COBLL1: variants seen among roughly 807,000 people sequenced by gnomAD.
COBLL1 encodes cordon-bleu WH2 repeat protein like 1.
Under a neutral mutation model 94.8 loss-of-function variants are expected in COBLL1, and 50 were observed. The observed-to-expected ratio is 0.53, with a 90% CI of 0.42 to 0.67. The LOEUF (loss-of-function observed/expected upper bound fraction) is 0.67, where lower values mean the gene tolerates loss of function less well. Among genes scored for constraint, COBLL1 ranks in the 30% least tolerant of loss-of-function variants. COBLL1 has a pLI of 0.00. For missense variants in COBLL1, 1,362 were observed against 1,348.7 expected (o/e 1.01, Z -0.15); for synonymous variants, 448 against 473.8 (o/e 0.95, Z 0.71).
chr2:164,800,348 A>C (rs1683704531), intron 2 of COBLL1, among the ~76,000 whole-genome samples: 1 of 152,202 alleles, frequency 6.6e-6, no homozygotes, highest in Admixed American at 6.5e-5. Context: ...CCTTTATGAA[A>C]ATGTAGATTA....
At chr2:164,699,649 G>T in intron 10 of COBLL1, 150 bp from the exon 11 acceptor site, 1 of 497,166 alleles carries the variant, frequency 2.0e-6, no homozygotes, top group East Asian at 3.0e-5. Context: ...GCCAAACATC[G>T]GAAATTTAAT....
chr2:164,675,609 G>C (rs934241508), downstream of COBLL1, among the ~76,000 whole-genome samples: 2 of 152,072 alleles, frequency 1.3e-5, no homozygotes, highest in Non-Finnish European at 2.9e-5. Flanking sequence ...AATGAGGACG[G>C]GACAAAAAGT....
At chr2:164,775,754 C>T (rs1688434018) in intron 2 of COBLL1, among the ~76,000 whole-genome samples, 1 of 152,044 alleles carries the variant, frequency 6.6e-6, no homozygotes, top group African/African-American at 2.4e-5. Flanking sequence ...GCACCTGGCC[C>T]TTGGTGGTAG....
chr2:164,749,134 T>C (rs1434177807), intron 2 of COBLL1, among the ~76,000 whole-genome samples: 1 of 152,120 alleles, frequency 6.6e-6, no homozygotes, highest in East Asian at 1.9e-4. Flanking sequence ...CAGCAAAACA[T>C]AATTCTAGTC....
chr2:164,696,983 C>T (rs998833603), intron 11 of COBLL1: 9 of 151,864 alleles, frequency 5.9e-5, no homozygotes, highest in African/African-American at 2.2e-4. Flanking sequence ...TTATCATTAC[C>T]CACTATTACC....
chr2:164,776,952 G>A (rs1369309829), intron 2 of COBLL1, among the ~76,000 whole-genome samples: 2 of 152,078 alleles, frequency 1.3e-5, no homozygotes, highest in African/African-American at 4.8e-5. Flanking sequence ...CAGAAAAGTA[G>A]TAAAGTAACT....
At chr2:164,667,404 C>A (rs530111654) in intron 1 of COBLL1, among the ~76,000 whole-genome samples, 2 of 152,340 alleles carry the variant, frequency 1.3e-5, no homozygotes, top group South Asian at 4.1e-4. Context: ...ACAAGAGAGT[C>A]AGCCTGTTCA....
chr2:164,743,980 T>C, intron 2 of COBLL1, 105 bp from the exon 3 acceptor site: 4 of 800,750 alleles, frequency 5.0e-6, no homozygotes, highest in Non-Finnish European at 7.4e-6. Context: ...GTTTTTCACA[T>C]CTAGAAAAAA....
At chr2:164,805,325 C>CTATATATATA (rs1185358869) in intron 2 of COBLL1, among the ~76,000 whole-genome samples, 9 of 31,516 alleles carry the variant, frequency 2.9e-4, no homozygotes, top group African/African-American at 5.0e-4. Flanking sequence ...CTCTCTCTCT[C>CTATATATATA]TCTCTCTCTC....
chr2:164,805,313 C>G (rs1386573905), intron 2 of COBLL1, among the ~76,000 whole-genome samples: 400 of 35,434 alleles, frequency 0.011, 43 homozygotes, highest in Non-Finnish European at 0.014. Context: ...CTCTCTCTCT[C>G]TCTCTCTCTC....
intron 2 of COBLL1, among the ~76,000 whole-genome samples, chr2:164,805,347 A>ATATATG (rs1684080674): frequency 9.2e-6 from 1 of 109,226 alleles, no homozygotes; most frequent in East Asian, 2.3e-4. Flanking sequence ...CTATATATAT[A>ATATATG]TATATATATA....
chr2:164,769,534 C>T (rs561273066), intron 2 of COBLL1, among the ~76,000 whole-genome samples: 137 of 152,190 alleles, frequency 9.0e-4, no homozygotes, highest in African/African-American at 2.7e-3. Context: ...TGTAAAAGGC[C>T]AAATTACAGA....
At chr2:164,797,002 G>A (rs921180141) in intron 2 of COBLL1, among the ~76,000 whole-genome samples, 8 of 152,126 alleles carry the variant, frequency 5.3e-5, no homozygotes, top group African/African-American at 1.9e-4. Context: ...AGAAGAGAAA[G>A]GGATTTAGTG....
In COBLL1 at chr2:164,795,257, T is replaced by A. The variant is rs549298750; in HGVS notation, c.41+45899A>T. Reference sequence around the variant, plus strand: ...CTCACAAGTCTAAAGGGGTATAAACTGAAAATTATTTGACAGAAGAATATT... The same window carrying A: ...CTCACAAGTCTAAAGGGGTATAAACAGAAAATTATTTGACAGAAGAATATT... On this transcript the variant is annotated intron_variant, in intron 2 of 13. Transcript: ENST00000652658. 3.9e-5 allele frequency among the ~76,000 whole-genome samples: 6 copies of A among 152,186 alleles called. No individual in the cohort carries two copies. In the South Asian group the frequency reaches 1.2e-3, roughly 32 times the overall value.
intron 3 of COBLL1, among the ~76,000 whole-genome samples, chr2:164,738,519 G>T (rs1036095792): frequency 6.6e-6 from 1 of 152,178 alleles, no homozygotes; most frequent in African/African-American, 2.4e-5. Context: ...TTATGCTGTT[G>T]TGAAGTATAG....
Position 164,694,828 on chromosome 2 carries a change from G to T in COBLL1, c.2564C>A (p.Ser855Tyr), listed in dbSNP as rs758922347. ...INNILESKFKSRASNAQAKPS... is the reference protein window; with the variant it reads ...INNILESKFKYRASNAQAKPS... ...TTTGGCCTGGGCATTTGAAGCCCGA[G>T]ATTTAAATTTTGATTCCAAAATATT... The change falls in exon 12 of 14, where the codon TCT becomes TAT. Residue 855 changes from serine (S) to tyrosine (Y), a missense_variant. By Grantham distance (144) the Ser-to-Tyr change is moderately radical. Coordinates refer to ENST00000652658, the MANE Select transcript of COBLL1 (RefSeq NM_001365672.2). 2 of 1,613,856 alleles carry T rather than the reference G, an allele frequency of 1.2e-6. No homozygotes were observed. The highest frequency in any genetic ancestry group is 1.1e-5 in the South Asian group (1 of 91,072).
intron 2 of COBLL1, among the ~76,000 whole-genome samples, chr2:164,832,823 C>T (rs971444123): frequency 2.0e-5 from 3 of 152,246 alleles, no homozygotes; most frequent in South Asian, 2.1e-4. Flanking sequence ...GCGGGCGGAT[C>T]ACCTGAGGAC....
chr2:164,678,883 C>T (rs1682916758), downstream of COBLL1, among the ~76,000 whole-genome samples: 4 of 152,084 alleles, frequency 2.6e-5, no homozygotes, highest in African/African-American at 7.2e-5. Context: ...CAGCACAGTG[C>T]CTGTTGGAAA....
At chr2:164,824,330 G>C (rs1421071718) in intron 2 of COBLL1, among the ~76,000 whole-genome samples, 1 of 151,202 alleles carries the variant, frequency 6.6e-6, no homozygotes, top group Non-Finnish European at 1.5e-5. Flanking sequence ...GCAGTAAGCG[G>C]AGATCTCACC....
Sources: gnomAD v4.1 joint callset for allele counts (sites outside exome capture counted in the v4.1 genomes callset) on GRCh38, gnomAD v4.1.1 for gene constraint, MANE v1.5 for transcripts, NCBI Gene and HGNC (gene_info 2026-07-23, HGNC 2026-07-21) for gene names.